The following XKR6 variants were observed in gnomAD, a reference collection of about 807,000 sequenced individuals.
The protein encoded by XKR6 is XK-related protein 6.
A neutral mutation model predicts 56.7 loss-of-function variants in XKR6; 22 were observed. That is an observed-to-expected ratio of 0.39 (90% CI 0.28 to 0.55). XKR6 has a LOEUF of 0.55. Ranked by LOEUF, XKR6 falls within the 20% of genes least tolerant of loss-of-function variation. XKR6 has a pLI of 0.66. For synonymous variants in XKR6, 524 were observed against 387.8 expected, an observed-to-expected ratio of 1.35 and a Z score of -4.13; for missense variants, 852 against 889.0, an observed-to-expected ratio of 0.96 and a Z score of 0.53.
At chr8:11,094,554 A>G (rs936950856) in intron 1 of XKR6, among the ~76,000 whole-genome samples, 6 of 152,144 alleles carry the variant, frequency 3.9e-5, no homozygotes, top group African/African-American at 1.2e-4. Context: ...GGACCTCAGA[A>G]ACAGAAAGGG....
chr8:10,898,521 T>G lies in XKR6; in HGVS notation c.1357A>C (p.Asn453His). 1 of 1,614,000 alleles carries G rather than the reference T, an allele frequency of 6.2e-7. No individual in the cohort carries two copies. The highest frequency in any genetic ancestry group is 8.5e-7 in the Non-Finnish European group (1 of 1,180,006). ...TACCAAAGGAACGTCAAGGCAGCAT[T>G]CTCGGTCAAGACTATCGTATAATAT... ...FAYYTIVLTENAALTFLWYFY... is the reference protein window; with the variant it reads ...FAYYTIVLTEHAALTFLWYFY... Residue 453 changes from asparagine to histidine, a missense_variant, in exon 3 of 3, where the codon AAT becomes CAT. Transcript: ENST00000416569. The surrounding 1 kb of genome is among the most constrained non-coding windows in gnomAD (Gnocchi z 6.6).
chr8:11,141,935 T>C (rs1394638320), intron 1 of XKR6, among the ~76,000 whole-genome samples: 1 of 151,328 alleles, frequency 6.6e-6, no homozygotes. Flanking sequence ...TAACTGGTTA[T>C]AGGGATGTCA....
At position 10,896,538 on chromosome 8, in the gene XKR6, G is replaced by C. The variant is rs958338086; in HGVS notation, c.*1414C>G. On this transcript the variant is annotated 3_prime_UTR_variant, in exon 3 of 3. Transcript: ENST00000416569. The stretch of plus-strand genomic sequence containing the variant: ...GCAGCAGGGACACACACATATATAC[G>C]TGTGCTATGGGCACACACACACATA... 6.6e-6 allele frequency: 1 copy of C among 152,394 alleles called. No individual in the cohort carries two copies. The highest frequency in any genetic ancestry group is 1.9e-4 in the East Asian group (1 of 5,178). 9.4% of individuals were successfully genotyped at this position (152,394 alleles called of 1,614,324 possible).
At chr8:11,192,032 T>C (rs1361325550) in intron 1 of XKR6, among the ~76,000 whole-genome samples, 1 of 152,142 alleles carries the variant, frequency 6.6e-6, no homozygotes, top group Admixed American at 6.5e-5. Context: ...AATATATCTA[T>C]ATTAACAACT....
At chr8:10,972,976 A>T (rs947910813) in intron 1 of XKR6, among the ~76,000 whole-genome samples, 4 of 152,216 alleles carry the variant, frequency 2.6e-5, no homozygotes, top group African/African-American at 9.6e-5. Flanking sequence ...AGGACCATTC[A>T]TGAACTGTTC....
intron 1 of XKR6, among the ~76,000 whole-genome samples, chr8:11,154,436 T>A (rs1327531576): frequency 6.6e-6 from 1 of 152,214 alleles, no homozygotes; most frequent in African/African-American, 2.4e-5. Context: ...ATTAGAACCT[T>A]CCCAGACTCT....
intron 1 of XKR6, among the ~76,000 whole-genome samples, chr8:11,192,689 T>C (rs1803645502): frequency 6.6e-6 from 1 of 152,098 alleles, no homozygotes; most frequent in Non-Finnish European, 1.5e-5. Flanking sequence ...CCTGTGTGCT[T>C]CAAAGCTTCA....
chr8:11,132,883 T>A (rs1256280229), intron 1 of XKR6, among the ~76,000 whole-genome samples: 2 of 150,272 alleles, frequency 1.3e-5, no homozygotes, highest in Non-Finnish European at 1.5e-5. Flanking sequence ...AATCTTCCAA[T>A]GGAGATGCCA....
intron 2 of XKR6, among the ~76,000 whole-genome samples, chr8:10,908,693 G>A: frequency 6.6e-6 from 1 of 152,154 alleles, no homozygotes. Context: ...CCCTGCCATG[G>A]TTTGAATGTG....
At chr8:10,932,514 C>T (rs1342928182) in intron 1 of XKR6, among the ~76,000 whole-genome samples, 5 of 142,438 alleles carry the variant, frequency 3.5e-5, no homozygotes, top group South Asian at 2.3e-4. Flanking sequence ...CATGCCGGTG[C>T]GCTGCACCCA....
intron 1 of XKR6, among the ~76,000 whole-genome samples, chr8:11,042,077 G>T (rs946387575): frequency 6.6e-6 from 1 of 152,234 alleles, no homozygotes; most frequent in Middle Eastern, 3.4e-3. Context: ...AAGTACACAT[G>T]CACCTGTCTG....
Position 10,898,164 on chromosome 8 carries a change from T to G in XKR6, c.1714A>C (p.Thr572Pro). Reference sequence around the variant, plus strand: ...GGGAGGTAAGGACGCCCCAACGGGGTAGGGGGCCCCATGGGTCTCACTTGG... The same window carrying G: ...GGGAGGTAAGGACGCCCCAACGGGGGAGGGGGCCCCATGGGTCTCACTTGG... ...VFQVRPMGPP[T>P]PLGRPYLPEG... is the part of the protein sequence containing the mutation. The change falls in exon 3 of 3, where the codon ACC becomes CCC. Residue 572 changes from threonine (T) to proline (P), a missense_variant. Transcript: ENST00000416569. The surrounding 1 kb of genome is among the most constrained non-coding windows in gnomAD (Gnocchi z 6.6). 6.2e-7 allele frequency: 1 copy of G among 1,613,832 alleles called. No homozygotes were observed. Among genetic ancestry groups the G allele is most frequent in the Non-Finnish European group, 8.5e-7 (1 of 1,179,890 alleles).
chr8:11,095,952 G>A (rs1156316059), intron 1 of XKR6, among the ~76,000 whole-genome samples: 1 of 152,088 alleles, frequency 6.6e-6, no homozygotes, highest in African/African-American at 2.4e-5. Context: ...TTTGGATTGG[G>A]AAGACATTTT....
At chr8:11,015,640 G>C (rs1359351577) in intron 1 of XKR6, among the ~76,000 whole-genome samples, 1 of 152,202 alleles carries the variant, frequency 6.6e-6, no homozygotes, top group Non-Finnish European at 1.5e-5. Flanking sequence ...GGGGCTGGCT[G>C]CGTTCGGGAC....
intron 1 of XKR6, among the ~76,000 whole-genome samples, chr8:11,196,817 C>T (rs534432863): frequency 4.6e-4 from 70 of 152,360 alleles, no homozygotes; most frequent in Admixed American, 1.1e-3. Flanking sequence ...ATTCTATTCT[C>T]AGCCAGAACT....
chr8:11,140,685 C>G (rs1428802899), intron 1 of XKR6, among the ~76,000 whole-genome samples: 1 of 151,996 alleles, frequency 6.6e-6, no homozygotes, highest in Non-Finnish European at 1.5e-5. Context: ...GTCACGAGGT[C>G]AGGAGATCAA....
intron 2 of XKR6, among the ~76,000 whole-genome samples, chr8:10,922,247 AAAG>A (rs1800743653): frequency 6.6e-6 from 1 of 152,252 alleles, no homozygotes; most frequent in Non-Finnish European, 1.5e-5. Context: ...ATTTTGAGAA[AAAG>A]AAGGACTCAG....
intron 1 of XKR6, among the ~76,000 whole-genome samples, chr8:10,963,914 C>A (rs1802138293): frequency 6.6e-6 from 1 of 152,192 alleles, no homozygotes; most frequent in African/African-American, 2.4e-5. Flanking sequence ...GATTCAAATC[C>A]CAGCTCACAG....
At chr8:11,195,251 G>A (rs1010777777) in intron 1 of XKR6, 4 of 691,752 alleles carry the variant, frequency 5.8e-6, no homozygotes, top group African/African-American at 5.3e-5. Flanking sequence ...AATCACCCTA[G>A]TGTTTTTACA....
Sources: allele counts gnomAD v4.1 joint callset (sites outside exome capture counted in the v4.1 genomes callset), GRCh38; gene constraint gnomAD v4.1.1; non-coding constraint Gnocchi (gnomAD v3.1); transcripts MANE v1.5; gene names NCBI Gene and HGNC (gene_info 2026-07-23, HGNC 2026-07-21).